Variants in GAB2 observed in about 807,000 individuals in gnomAD.
The protein encoded by GAB2 is GRB2-associated-binding protein 2.
In GAB2, 26 loss-of-function variants were observed where a neutral mutation model predicts 65.5. The observed-to-expected ratio is 0.40, with a 90% CI of 0.29 to 0.55. The LOEUF is 0.55. Among genes scored for constraint, GAB2 ranks in the 20% least tolerant of loss-of-function variants. GAB2 has a pLI of 0.53. For missense variants in GAB2, 884 were observed against 875.8 expected, an observed-to-expected ratio of 1.01 and a Z score of -0.12; for synonymous variants, 321 against 329.6, an observed-to-expected ratio of 0.97 and a Z score of 0.28.
intron 1 of GAB2, among the ~76,000 whole-genome samples, chr11:78,384,134 A>G (rs1856735569): frequency 6.6e-6 from 1 of 152,106 alleles, no homozygotes; most frequent in South Asian, 2.1e-4. Flanking sequence ...AATGTACCAA[A>G]CCTGATGCAC....
At chr11:78,239,501 G>T (rs751955688) in intron 3 of GAB2, among the ~76,000 whole-genome samples, 1 of 152,174 alleles carries the variant, frequency 6.6e-6, no homozygotes, top group Non-Finnish European at 1.5e-5. Context: ...TTACAGGCGT[G>T]AGCCACCACA....
chr11:78,392,632 C>T (rs11237479), intron 1 of GAB2, among the ~76,000 whole-genome samples: 8,497 of 152,142 alleles, frequency 0.056, 679 homozygotes, highest in East Asian at 0.35. Context: ...GCAGAGACCA[C>T]GGTGGGCAAA....
At chr11:78,240,886 A>G (rs1247860748) in intron 3 of GAB2, among the ~76,000 whole-genome samples, 12 of 152,168 alleles carry the variant, frequency 7.9e-5, no homozygotes, top group African/African-American at 2.9e-4. Flanking sequence ...CAACCATGCT[A>G]CGGAGAGTGA....
At chr11:78,270,379 C>T (rs1657562758) in intron 2 of GAB2, among the ~76,000 whole-genome samples, 1 of 151,832 alleles carries the variant, frequency 6.6e-6, no homozygotes, top group Admixed American at 6.6e-5. Flanking sequence ...ATTTATAAAC[C>T]TCTTGCTCCT....
intron 1 of GAB2, among the ~76,000 whole-genome samples, chr11:78,324,066 G>A (rs1317808614): frequency 6.6e-6 from 1 of 151,778 alleles, no homozygotes; most frequent in African/African-American, 2.4e-5. Context: ...CCAAAGTGCT[G>A]GGATAACAGT....
chr11:78,247,358 C>T (rs1032967274), intron 3 of GAB2, among the ~76,000 whole-genome samples: 7 of 152,122 alleles, frequency 4.6e-5, no homozygotes, highest in Admixed American at 1.3e-4. Flanking sequence ...AATTCTTTTT[C>T]GGTTTCTACA....
At chr11:78,297,779 T>A (rs973770000) in intron 1 of GAB2, among the ~76,000 whole-genome samples, 11 of 152,192 alleles carry the variant, frequency 7.2e-5, no homozygotes, top group African/African-American at 2.7e-4. Context: ...GAGAACCATG[T>A]ATTATACTAT....
chr11:78,324,292 A>G (rs1855784352), intron 1 of GAB2, among the ~76,000 whole-genome samples: 2 of 152,076 alleles, frequency 1.3e-5, no homozygotes, highest in Admixed American at 1.3e-4. Flanking sequence ...CTTAAGTTTG[A>G]TCCCAAGAGT....
intron 1 of GAB2, among the ~76,000 whole-genome samples, chr11:78,335,746 T>G (rs1240281041): frequency 1.3e-5 from 2 of 152,168 alleles, no homozygotes; most frequent in African/African-American, 4.8e-5. Flanking sequence ...TCCATATAAA[T>G]TTTAGAATTG....
chr11:78,259,418 G>C (rs1364884078), intron 2 of GAB2, among the ~76,000 whole-genome samples: 1 of 152,186 alleles, frequency 6.6e-6, no homozygotes, highest in Non-Finnish European at 1.5e-5. Context: ...GGATTCTAAG[G>C]AGTGTGTGGT....
chr11:78,274,199 G>A (rs1250113597), intron 2 of GAB2, among the ~76,000 whole-genome samples: 1 of 152,104 alleles, frequency 6.6e-6, no homozygotes, highest in East Asian at 1.9e-4. Context: ...ACTTGAAACT[G>A]GGAGGCCATG....
intron 1 of GAB2, among the ~76,000 whole-genome samples, chr11:78,312,847 T>C (rs1855529494): frequency 6.6e-6 from 1 of 152,174 alleles, no homozygotes; most frequent in African/African-American, 2.4e-5. Context: ...TCTGGGCTCT[T>C]TTTGCTCACC....
At chr11:78,416,024 C>G (rs1446930924) in intron 1 of GAB2, among the ~76,000 whole-genome samples, 1 of 148,248 alleles carries the variant, frequency 6.7e-6, no homozygotes, top group Admixed American at 6.8e-5. Context: ...TTTGGAAGCT[C>G]TTCGGGACAA....
intron 3 of GAB2, among the ~76,000 whole-genome samples, chr11:78,237,517 G>A (rs73509335): frequency 0.022 from 3,347 of 152,208 alleles, 137 homozygotes; most frequent in African/African-American, 0.076. Context: ...GCTGTTACTG[G>A]TTCTCTAGGA....
At chr11:78,370,721 G>A (rs113394271) in intron 1 of GAB2, among the ~76,000 whole-genome samples, 4 of 140,330 alleles carry the variant, frequency 2.9e-5, no homozygotes, top group African/African-American at 9.5e-5. Flanking sequence ...GCGTGTGTGT[G>A]TGTATGTGTG....
chr11:78,293,641 C>T (rs1242929286), intron 1 of GAB2, among the ~76,000 whole-genome samples: 1 of 152,162 alleles, frequency 6.6e-6, no homozygotes, highest in East Asian at 1.9e-4. Context: ...CTACATGCCA[C>T]TGTGATCAGT....
chr11:78,300,951 T>G (rs1197301859), intron 1 of GAB2, among the ~76,000 whole-genome samples: 1 of 152,182 alleles, frequency 6.6e-6, no homozygotes, highest in African/African-American at 2.4e-5. Flanking sequence ...TGCCTTGGCC[T>G]CCCAAAGTGC....
At chr11:78,370,282 AAAT>A (rs1856551004) in intron 1 of GAB2, among the ~76,000 whole-genome samples, 2 of 152,058 alleles carry the variant, frequency 1.3e-5, no homozygotes, top group Non-Finnish European at 2.9e-5. Flanking sequence ...AAAGAAAAGA[AAAT>A]ACAATTGACC....
intron 4 of GAB2, 32 bp from the exon 5 acceptor site, chr11:78,225,234 ATGGT>A: frequency 2.8e-6 from 4 of 1,434,590 alleles, no homozygotes; most frequent in Non-Finnish European, 3.9e-6. Flanking sequence ...ATAAGTACTC[ATGGT>A]TGATTCATGT....
Sources: allele counts gnomAD v4.1 joint callset (sites outside exome capture counted in the v4.1 genomes callset), GRCh38; gene constraint gnomAD v4.1.1; transcripts MANE v1.5; gene names NCBI Gene and HGNC (gene_info 2026-07-23, HGNC 2026-07-21).